Variants in GUCA1C observed in about 807,000 individuals in gnomAD.
GUCA1C encodes the protein guanylate cyclase activator 1C, also known as guanylyl cyclase-activating protein 3.
GUCA1C carries 15 observed loss-of-function variants against 16.2 expected under a neutral mutation model. The observed-to-expected ratio is 0.93, with a 90% confidence interval of 0.62 to 1.43. The LOEUF is 1.43. Among genes scored for constraint, GUCA1C ranks in the 40% most tolerant of loss-of-function variants. The pLI, the probability that GUCA1C is intolerant of heterozygous loss-of-function variation, is 0.00. For missense variants in GUCA1C, 275 were observed against 244.8 expected, an observed-to-expected ratio of 1.12 and a Z score of -0.82; for synonymous variants, 78 against 85.4, an observed-to-expected ratio of 0.91 and a Z score of 0.48.
At chr3:108,919,368 T>C (rs1424382699) in intron 2 of GUCA1C, among the ~76,000 whole-genome samples, 1 of 152,142 alleles carries the variant, frequency 6.6e-6, no homozygotes, top group African/African-American at 2.4e-5. Context: ...AGAGAATATT[T>C]TAAAATTTAC....
At chr3:108,933,279 C>T (rs752596596) in intron 1 of GUCA1C, among the ~76,000 whole-genome samples, 2 of 152,144 alleles carry the variant, frequency 1.3e-5, no homozygotes, top group Non-Finnish European at 2.9e-5. Flanking sequence ...CCATTTTACC[C>T]ATTCTAGTGA....
At chr3:108,918,818 T>C (rs1384332822) in intron 2 of GUCA1C, among the ~76,000 whole-genome samples, 4 of 152,194 alleles carry the variant, frequency 2.6e-5, no homozygotes, top group African/African-American at 9.7e-5. Flanking sequence ...ATAGAAAGTG[T>C]GTTCCTAGGC....
At chr3:108,948,955 CT>C (rs1383522755) in intron 1 of GUCA1C, among the ~76,000 whole-genome samples, 1 of 151,754 alleles carries the variant, frequency 6.6e-6, no homozygotes, top group African/African-American at 2.4e-5. Context: ...TCAAGCAATT[CT>C]CTTGTCTCAG....
chr3:108,910,808 C>T (rs1176106688), intron 3 of GUCA1C, among the ~76,000 whole-genome samples: 1 of 151,746 alleles, frequency 6.6e-6, no homozygotes, highest in Admixed American at 6.6e-5. Flanking sequence ...CACCACCACA[C>T]CTGGCTAATT....
chr3:108,919,401 G>A (rs979531080), intron 2 of GUCA1C, among the ~76,000 whole-genome samples: 1 of 152,064 alleles, frequency 6.6e-6, no homozygotes, highest in Admixed American at 6.6e-5. Flanking sequence ...ATTCTCTATA[G>A]AATATTTGAT....
chr3:108,919,871 C>G (rs1213877038), intron 2 of GUCA1C, among the ~76,000 whole-genome samples: 1 of 152,066 alleles, frequency 6.6e-6, no homozygotes, highest in Admixed American at 6.5e-5. Flanking sequence ...TCCTGCTTAA[C>G]CATTTTTTTA....
chr3:108,916,040 T>G, intron 3 of GUCA1C, 87 bp downstream of exon 3: 1 of 1,563,170 alleles, frequency 6.4e-7, no homozygotes, highest in Non-Finnish European at 8.7e-7. Context: ...TCTTGAATGG[T>G]TCCTGCTTTT....
In GUCA1C at chr3:108,946,625, A is replaced by G. The variant is rs546387288; in HGVS notation, c.204+6934T>C. Among the ~76,000 whole-genome samples, 113 of 152,306 alleles carry G rather than the reference A, an allele frequency of 7.4e-4. No homozygotes were observed. The South Asian group carries it at 8.1e-3, about 11-fold the overall frequency. On this transcript the variant is annotated intron_variant, in intron 1 of 3. Transcript: ENST00000261047. ...ATTCTTGCCAAACAAATCTGAATCT[A>G]TTTACGTTTCTATAGCTAAATACCG... is the stretch of plus-strand genomic sequence containing the variant.
intron 1 of GUCA1C, among the ~76,000 whole-genome samples, chr3:108,952,557 GC>G (rs899556800): frequency 6.6e-6 from 1 of 152,064 alleles, no homozygotes; most frequent in Admixed American, 6.5e-5. Context: ...CCAAGTTCCT[GC>G]CTGTTACCTC....
chr3:108,915,584 G>A (rs1368257253), intron 3 of GUCA1C, among the ~76,000 whole-genome samples: 1 of 152,144 alleles, frequency 6.6e-6, no homozygotes, highest in African/African-American at 2.4e-5. Flanking sequence ...AGCAGATGGA[G>A]AAATAATCAG....
chr3:108,936,173 G>A (rs1946725605), intron 1 of GUCA1C, among the ~76,000 whole-genome samples: 1 of 152,014 alleles, frequency 6.6e-6, no homozygotes, highest in Admixed American at 6.6e-5. Context: ...GAAGTGAAAG[G>A]ATCACCTGAG....
At chr3:108,947,946 C>T (rs35723154) in intron 1 of GUCA1C, among the ~76,000 whole-genome samples, 3,860 of 152,178 alleles carry the variant, frequency 0.025, 81 homozygotes, top group Middle Eastern at 0.11. Context: ...GTAGCTGATT[C>T]ATCAATGTCA....
chr3:108,937,821 C>CT (rs2107306643), intron 1 of GUCA1C, among the ~76,000 whole-genome samples: 1 of 152,178 alleles, frequency 6.6e-6, no homozygotes, highest in African/African-American at 2.4e-5. Flanking sequence ...GCCTGTAATC[C>CT]CAGCACTTTG....
In GUCA1C at chr3:108,934,776, A is replaced by T. The variant is rs115038886; in HGVS notation, c.205-14191T>A. On this transcript the variant is annotated intron_variant, in intron 1 of 3. Coordinates refer to ENST00000261047, the MANE Select transcript of GUCA1C (RefSeq NM_005459.4). ...GAAATTAACACAGGTACAGAAAAGC[A>T]AATACCACATATTCTCACTTATGTT... Among the ~76,000 whole-genome samples, 614 of 151,446 alleles carry T rather than the reference A, an allele frequency of 4.1e-3. 2 individuals are homozygous for T. Among genetic ancestry groups the T allele is most frequent in the African/African-American group, 0.013 (539 of 41,238 alleles).
intron 3 of GUCA1C, among the ~76,000 whole-genome samples, chr3:108,911,373 A>G (rs1278170753): frequency 6.6e-6 from 1 of 152,220 alleles, no homozygotes; most frequent in African/African-American, 2.4e-5. Context: ...TGGTTTTAAA[A>G]TAAATCAGCC....
At chr3:108,948,436 CTCTTT>C (rs1305838429) in intron 1 of GUCA1C, among the ~76,000 whole-genome samples, 1 of 152,162 alleles carries the variant, frequency 6.6e-6, no homozygotes, top group Non-Finnish European at 1.5e-5. Flanking sequence ...CCAATTAAAC[CTCTTT>C]TCTTTATAAA....
chr3:108,946,522 G>T (rs1243360509), intron 1 of GUCA1C, among the ~76,000 whole-genome samples: 1 of 152,134 alleles, frequency 6.6e-6, no homozygotes, highest in Non-Finnish European at 1.5e-5. Context: ...TTGCCTCATT[G>T]TAATCAGCCT....
At chr3:108,923,513 C>T (rs539571312) in intron 1 of GUCA1C, among the ~76,000 whole-genome samples, 85 of 152,202 alleles carry the variant, frequency 5.6e-4, no homozygotes, top group African/African-American at 2.0e-3. Flanking sequence ...TGTCTATGTG[C>T]CAGTTTTTAT....
At chr3:108,910,658 T>C (rs1289867575) in intron 3 of GUCA1C, among the ~76,000 whole-genome samples, 2 of 151,750 alleles carry the variant, frequency 1.3e-5, no homozygotes, top group Non-Finnish European at 2.9e-5. Flanking sequence ...TTCTTCTTCT[T>C]CTTTTTTTTG....
Sources: allele counts gnomAD v4.1 joint callset (sites outside exome capture counted in the v4.1 genomes callset), GRCh38; gene constraint gnomAD v4.1.1; transcripts MANE v1.5; gene names NCBI Gene and HGNC (gene_info 2026-07-23, HGNC 2026-07-21).